The following NFIX variants were observed in gnomAD, a reference collection of about 807,000 sequenced individuals.
NFIX encodes nuclear factor I X, also known as nuclear factor 1 X-type.
Under a neutral mutation model 53.3 loss-of-function variants are expected in NFIX, and 2 were observed. That is an observed-to-expected ratio of 0.04 (90% CI 0.02 to 0.12). The LOEUF (loss-of-function observed/expected upper bound fraction) is 0.12, where lower values mean the gene tolerates loss of function less well. Ranked by LOEUF, NFIX falls within the 10% of genes least tolerant of loss-of-function variation. The pLI is 1.00. For synonymous variants in NFIX, 244 were observed against 289.0 expected (o/e 0.84, Z 1.58); for missense variants, 310 against 674.5 (o/e 0.46, Z 5.99).
At chr19:13,062,135 C>T (rs1373650718) in intron 2 of NFIX, among the ~76,000 whole-genome samples, 3 of 152,190 alleles carry the variant, frequency 2.0e-5, no homozygotes, top group Non-Finnish European at 2.9e-5. Flanking sequence ...GCTCTGCCTT[C>T]CCCTGCTGTG....
At chr19:13,065,178 T>C (rs1224177663) in intron 2 of NFIX, among the ~76,000 whole-genome samples, 1 of 152,128 alleles carries the variant, frequency 6.6e-6, no homozygotes, top group East Asian at 1.9e-4. Context: ...TCCACAGTGG[T>C]AGAGCACTGT....
rs1390727939 is a variant in NFIX, at chr19:13,021,323, C to A, written c.28-3698C>A. Among the ~76,000 whole-genome samples the A allele has an allele frequency of 6.6e-6, 1 of 152,164 alleles. No individual in the cohort carries two copies. Among genetic ancestry groups the A allele is most frequent in the Non-Finnish European group, 1.5e-5 (1 of 68,016 alleles). ...GTTTCTTTCAGGGATCAGCCATGAG[C>A]TCAGTTCACTTGAGATGGATAATTC... On this transcript the variant is annotated intron_variant, in intron 1 of 10. Transcript: ENST00000592199. The surrounding 1 kb of genome is among the most constrained non-coding windows in gnomAD (Gnocchi z 4.2).
At chr19:13,033,270 T>G (rs1283248718) in intron 2 of NFIX, among the ~76,000 whole-genome samples, 1 of 152,096 alleles carries the variant, frequency 6.6e-6, no homozygotes, top group African/African-American at 2.4e-5. Flanking sequence ...GGAGGAGAAG[T>G]TTGGCTGGAC....
intron 2 of NFIX, among the ~76,000 whole-genome samples, chr19:13,046,456 G>A (rs973813557): frequency 1.1e-4 from 17 of 151,980 alleles, no homozygotes; most frequent in Admixed American, 7.9e-4. Flanking sequence ...TAGTGGAATC[G>A]CGTTGCCTTC....
At position 13,001,917 on chromosome 19, in the gene NFIX, G is replaced by A. The variant is rs73507334; in HGVS notation, c.27+6053G>A. Among the ~76,000 whole-genome samples the A allele has an allele frequency of 0.014, 2,105 of 152,334 alleles. 56 individuals are homozygous for A. The highest frequency in any genetic ancestry group is 0.049 in the African/African-American group (2,017 of 41,574). On this transcript the variant is annotated intron_variant, in intron 1 of 10. Transcript: ENST00000592199. The surrounding 1 kb of genome is among the most constrained non-coding windows in gnomAD (Gnocchi z 6.5). ...CCCGCCCGTGCCCCTGGCCTGGCGT[G>A]GACAGAAGCCCGTTGTGCGGCAGCG...
In NFIX at chr19:13,093,222, A is replaced by C. The variant is rs1001168558; in HGVS notation, c.1495-1413A>C. Among the ~76,000 whole-genome samples, 2 of 152,366 alleles carry C rather than the reference A, an allele frequency of 1.3e-5. No individual in the cohort carries two copies. The highest frequency in any genetic ancestry group is 3.9e-4 in the East Asian group (2 of 5,190). On this transcript the variant is annotated intron_variant, in intron 10 of 10. Coordinates refer to ENST00000592199, the MANE Select transcript of NFIX (RefSeq NM_001365902.3). The surrounding 1 kb of genome is among the most constrained non-coding windows in gnomAD (Gnocchi z 4.7). ...CTGCAATGGAAATGAGAACATTTCC[A>C]TTGTCACAGAAAGTGCTAGATGATC...
intron 1 of NFIX, among the ~76,000 whole-genome samples, chr19:13,004,678 G>C (rs1201601468): frequency 6.6e-6 from 1 of 152,036 alleles, no homozygotes; most frequent in Non-Finnish European, 1.5e-5. Context: ...AGAAGCCTGG[G>C]GTGAGACAAA....
intron 2 of NFIX, among the ~76,000 whole-genome samples, chr19:13,069,152 A>G (rs576548701): frequency 6.6e-6 from 1 of 152,276 alleles, no homozygotes; most frequent in African/African-American, 2.4e-5. Flanking sequence ...CACCCACTCT[A>G]TCCCATCTCC....
chr19:13,098,713 C>G lies in NFIX; in HGVS notation c.*4064C>G, dbSNP rs1307141388. ...CCCCCGTCACTGCGCTTCTGTTATA[C>G]CATCTTTGCCTGACTCTCTCCGGCT... On this transcript the variant is annotated 3_prime_UTR_variant, in exon 11 of 11. Transcript: ENST00000592199. 7.0e-6 allele frequency: 1 copy of G among 142,212 alleles called. No homozygotes were observed. Among genetic ancestry groups the G allele is most frequent in the Non-Finnish European group, 1.6e-5 (1 of 64,406 alleles). The allele number at this position is 142,212 out of a possible 1,614,324, so 8.8% of individuals were successfully genotyped here.
intron 2 of NFIX, among the ~76,000 whole-genome samples, chr19:13,032,201 G>A (rs1344093293): frequency 6.6e-6 from 1 of 152,234 alleles, no homozygotes; most frequent in Non-Finnish European, 1.5e-5. Context: ...ATTCTCAGAG[G>A]AGTTGGCTCC....
chr19:13,053,359 C>G lies in NFIX; in HGVS notation c.560-19688C>G, dbSNP rs565928559. Among the ~76,000 whole-genome samples, 9 of 152,292 alleles carry G rather than the reference C, an allele frequency of 5.9e-5. 1 individual carries two copies. Among genetic ancestry groups the G allele is most frequent in the African/African-American group, 2.2e-4 (9 of 41,550 alleles). On this transcript the variant is annotated intron_variant, in intron 2 of 10. Coordinates refer to ENST00000592199, the MANE Select transcript of NFIX (RefSeq NM_001365902.3). ...ACAGGGCTGGGGAGCAATAGACAAA[C>G]TCTCCAAAAATATTTTTTTTAAGTT...
intron 1 of NFIX, among the ~76,000 whole-genome samples, chr19:13,007,821 A>G: frequency 6.6e-6 from 1 of 151,980 alleles, no homozygotes; most frequent in Non-Finnish European, 1.5e-5. Flanking sequence ...CCCTGTGGAA[A>G]CTTGTTTTTC....
In NFIX at chr19:13,097,886, G is replaced by C. The variant is rs1173774417; in HGVS notation, c.*3237G>C. 1 of 148,488 alleles carries C rather than the reference G, an allele frequency of 6.7e-6. No homozygotes were observed. The highest frequency in any genetic ancestry group is 2.5e-5 in the African/African-American group (1 of 40,300). 9.2% of individuals were successfully genotyped at this position (148,488 alleles called of 1,614,324 possible). A position where few individuals can be genotyped will look rare whatever the true frequency, so the allele number is the denominator to read the frequency against. On this transcript the variant is annotated 3_prime_UTR_variant, in exon 11 of 11. Coordinates refer to ENST00000592199, the MANE Select transcript of NFIX (RefSeq NM_001365902.3). ...TCCCCGACCCCCTCCGGGGAACACC[G>C]GGAAGGCTCGACGCTCCAGGACAGG...
Position 13,089,670 on chromosome 19 carries a change from T to C in NFIX, c.1403-629T>C, listed in dbSNP as rs527689103. On this transcript the variant is annotated intron_variant, in intron 9 of 10. Transcript: ENST00000592199. The surrounding 1 kb of genome is among the most constrained non-coding windows in gnomAD (Gnocchi z 4.8). ...CTGCCCTACCTGGCTCAGACCTCCA[T>C]TGGGCACCCTTTGGGTTCCCCAAGC... Among the ~76,000 whole-genome samples, 2 of 152,320 alleles carry C rather than the reference T, an allele frequency of 1.3e-5. No individual in the cohort carries two copies. Among genetic ancestry groups the C allele is most frequent in the East Asian group, 1.9e-4 (1 of 5,180 alleles).
rs530237937 is a variant in NFIX at position 13,067,151 on chromosome 19, G to T, written c.560-5896G>T. ...CTCAGAGGAAGCGGGAGAGAAGTAGGAGGCGGGTGCAGTGCTGGGAGGGCC... is the reference window on the plus strand; with the variant it reads ...CTCAGAGGAAGCGGGAGAGAAGTAGTAGGCGGGTGCAGTGCTGGGAGGGCC... On this transcript the variant is annotated intron_variant, in intron 2 of 10. Transcript: ENST00000592199. The surrounding 1 kb of genome is among the most constrained non-coding windows in gnomAD (Gnocchi z 4.2). Among the ~76,000 whole-genome samples the T allele has an allele frequency of 2.3e-4, 35 of 152,242 alleles. No individual in the cohort carries two copies. Among genetic ancestry groups the T allele is most frequent in the Non-Finnish European group, 3.8e-4 (26 of 68,044 alleles).
At chr19:13,041,710 C>T (rs952817696) in intron 2 of NFIX, among the ~76,000 whole-genome samples, 3 of 151,290 alleles carry the variant, frequency 2.0e-5, no homozygotes, top group Admixed American at 1.3e-4. Context: ...AGGAGAATCA[C>T]TTGAACCCGG....
At position 13,081,213 on chromosome 19, in the gene NFIX, G is replaced by A. The variant is rs913172745; in HGVS notation, c.1079-467G>A. Among the ~76,000 whole-genome samples the A allele has an allele frequency of 6.6e-6, 1 of 151,868 alleles. No individual in the cohort carries two copies. The highest frequency in any genetic ancestry group is 1.5e-5 in the Non-Finnish European group (1 of 67,980). ...CTGGTTACTTGGGGGGCTGAGGTGG[G>A]AGGATTGCATGAGCCCAGGAGGATT... On this transcript the variant is annotated intron_variant, in intron 7 of 10. Transcript: ENST00000592199. The surrounding 1 kb of genome is among the most constrained non-coding windows in gnomAD (Gnocchi z 4.7).
chr19:12,997,465 C>T (rs2011510894), intron 1 of NFIX, among the ~76,000 whole-genome samples: 1 of 152,222 alleles, frequency 6.6e-6, no homozygotes, highest in South Asian at 2.1e-4. Flanking sequence ...TGTGAGCAGG[C>T]ACCCTGAGCA....
chr19:13,075,149 A>AT (rs1856491977), intron 5 of NFIX, among the ~76,000 whole-genome samples: 1 of 149,264 alleles, frequency 6.7e-6, no homozygotes, highest in Non-Finnish European at 1.5e-5. Flanking sequence ...TCCCCCTGAC[A>AT]TTTTTGTCCC....
Sources: allele counts gnomAD v4.1 joint callset (sites outside exome capture counted in the v4.1 genomes callset), GRCh38; gene constraint gnomAD v4.1.1; non-coding constraint Gnocchi (gnomAD v3.1); transcripts MANE v1.5; gene names NCBI Gene and HGNC (gene_info 2026-07-23, HGNC 2026-07-21).